Variants in CPXM2 observed in about 807,000 individuals in gnomAD.
The protein encoded by CPXM2 is carboxypeptidase X, M14 family member 2.
CPXM2 carries 66 observed loss-of-function variants against 86.1 expected under a neutral mutation model. The observed-to-expected ratio is 0.77, with a 90% CI of 0.63 to 0.94. The LOEUF (loss-of-function observed/expected upper bound fraction) is 0.94, where lower values mean the gene tolerates loss of function less well. Among genes scored for constraint, CPXM2 ranks in the 40% least tolerant of loss-of-function variants. The pLI, the probability that CPXM2 is intolerant of heterozygous loss-of-function variation, is 0.00. For synonymous variants in CPXM2, 388 were observed against 400.2 expected (o/e 0.97, Z 0.36); for missense variants, 948 against 1,026.3 (o/e 0.92, Z 1.04).
chr10:123,919,578 G>A (rs776458405), intron 2 of CPXM2, among the ~76,000 whole-genome samples: 1 of 152,184 alleles, frequency 6.6e-6, no homozygotes, highest in Non-Finnish European at 1.5e-5. Context: ...AAAGAACCAA[G>A]TGGAAAGTTT....
At chr10:123,924,777 G>A (rs1020357366) in intron 2 of CPXM2, among the ~76,000 whole-genome samples, 2 of 152,030 alleles carry the variant, frequency 1.3e-5, no homozygotes, top group Non-Finnish European at 2.9e-5. Context: ...GAAGCTATTC[G>A]GGGGCCCAAC....
intron 4 of CPXM2, among the ~76,000 whole-genome samples, chr10:123,812,780 C>T (rs774265287): frequency 1.1e-4 from 16 of 152,120 alleles, no homozygotes; most frequent in Non-Finnish European, 1.8e-4. Context: ...GAATCTAATG[C>T]GTGATGATCT....
chr10:123,881,036 C>G (rs370419026), intron 1 of CPXM2, among the ~76,000 whole-genome samples: 3 of 151,540 alleles, frequency 2.0e-5, no homozygotes, highest in African/African-American at 7.3e-5. Flanking sequence ...GGTAAGGATG[C>G]TGCCCCCATT....
chr10:123,858,713 C>T (rs1360358746), intron 3 of CPXM2, among the ~76,000 whole-genome samples: 4 of 152,228 alleles, frequency 2.6e-5, no homozygotes, highest in African/African-American at 7.2e-5. Context: ...ATGCTTGGAG[C>T]TGATTCCCAC....
At position 123,821,530 on chromosome 10, in the gene CPXM2, T is replaced by C. The variant is rs139845423; in HGVS notation, c.653+20819A>G. Among the ~76,000 whole-genome samples the C allele has an allele frequency of 9.0e-3, 1,364 of 152,292 alleles. 11 individuals are homozygous for C. The highest frequency in any genetic ancestry group is 0.051 in the Middle Eastern group (15 of 294). The stretch of plus-strand genomic sequence containing the variant: ...TCTTCTGAGCATTCTGCCAACCACG[T>C]AAGTGTGTTCCCACAGCACCGTGGA... On this transcript the variant is annotated intron_variant, in intron 4 of 13. Coordinates refer to ENST00000241305, the MANE Select transcript of CPXM2 (RefSeq NM_198148.3).
chr10:123,783,608 G>A (rs1316540239), intron 6 of CPXM2, among the ~76,000 whole-genome samples: 1 of 152,198 alleles, frequency 6.6e-6, no homozygotes, highest in African/African-American at 2.4e-5. Flanking sequence ...GCAAGTTAGT[G>A]ACAGAGGGAG....
chr10:123,842,212 G>C, intron 4 of CPXM2, 137 bp downstream of exon 4: 1 of 1,177,254 alleles, frequency 8.5e-7, no homozygotes, highest in Non-Finnish European at 1.2e-6. Context: ...CCAGCCTCCT[G>C]TTCATATTCC....
At chr10:123,759,335 G>A (rs1225939599) in intron 11 of CPXM2, among the ~76,000 whole-genome samples, 6 of 152,146 alleles carry the variant, frequency 3.9e-5, no homozygotes, top group Non-Finnish European at 7.3e-5. Context: ...CACCCTTTTC[G>A]TCCTCATTAG....
intron 2 of CPXM2, among the ~76,000 whole-genome samples, chr10:123,902,033 G>A (rs933551267): frequency 5.3e-5 from 8 of 152,154 alleles, no homozygotes; most frequent in Non-Finnish European, 8.8e-5. Context: ...AACCACTGTC[G>A]CAACCTGGAT....
chr10:123,834,898 C>G (rs871891), intron 4 of CPXM2, among the ~76,000 whole-genome samples: 12,459 of 152,146 alleles, frequency 0.082, 569 homozygotes, highest in Middle Eastern at 0.18. Flanking sequence ...GGCACCTTTC[C>G]CCTCTCTCTT....
At chr10:123,827,922 G>A (rs1848081553) in intron 4 of CPXM2, among the ~76,000 whole-genome samples, 1 of 152,126 alleles carries the variant, frequency 6.6e-6, no homozygotes, top group South Asian at 2.1e-4. Flanking sequence ...CCAACACTTG[G>A]AGAGGCCAAG....
intron 6 of CPXM2, among the ~76,000 whole-genome samples, chr10:123,791,788 T>A (rs1044796416): frequency 6.6e-6 from 1 of 152,190 alleles, no homozygotes; most frequent in Non-Finnish European, 1.5e-5. Flanking sequence ...TAAGATCACA[T>A]TGGAGGTTCT....
Position 123,797,998 on chromosome 10 carries a change from C to CTA in CPXM2, c.866_867insTA (p.Glu289AspfsTer21). The CTA allele has an allele frequency of 5.6e-6, 9 of 1,609,062 alleles. No homozygotes were observed. Among genetic ancestry groups the CTA allele is most frequent in the South Asian group, 1.1e-5 (1 of 90,044 alleles). On this transcript the variant is annotated frameshift_variant, in exon 6 of 14. Coordinates refer to ENST00000241305, the MANE Select transcript of CPXM2 (RefSeq NM_198148.3). LOFTEE classifies it high-confidence loss of function. ...CACCTGGCAGTGGGCAGCCCAGGAT[C>CTA]TCCATTCTCATGCAGATGCTCCCAT...
chr10:123,768,420 T>TAAATAAAG (rs1554874932), intron 9 of CPXM2, 106 bp downstream of exon 9: 1 of 497,766 alleles, frequency 2.0e-6, no homozygotes, highest in East Asian at 3.6e-5. Flanking sequence ...AATAAATAAA[T>TAAATAAAG]AAAGCTCGGA....
intron 6 of CPXM2, among the ~76,000 whole-genome samples, chr10:123,792,483 C>A (rs1014386738): frequency 6.6e-6 from 1 of 152,162 alleles, no homozygotes; most frequent in South Asian, 2.1e-4. Flanking sequence ...TCAGAAAAAA[C>A]CCAGACATTC....
Position 123,767,166 on chromosome 10 carries a change from A to G in CPXM2, c.1300-14T>C, listed in dbSNP as rs1846499280. 1.2e-6 allele frequency: 2 copies of G among 1,611,744 alleles called. No individual in the cohort carries two copies. Among genetic ancestry groups the G allele is most frequent in the African/African-American group, 2.7e-5 (2 of 74,860 alleles). On this transcript the variant is annotated splice_polypyrimidine_tract_variant and intron_variant, in intron 9 of 13. Transcript: ENST00000241305. ...CAGCTCCGAGCCCTGGAGACAAGTGAGAGTGTGAAGAATGCACAGGCTGCA... is the reference window on the plus strand; with the variant it reads ...CAGCTCCGAGCCCTGGAGACAAGTGGGAGTGTGAAGAATGCACAGGCTGCA...
At chr10:123,767,999 T>G (rs1846524276) in intron 9 of CPXM2, among the ~76,000 whole-genome samples, 1 of 152,232 alleles carries the variant, frequency 6.6e-6, no homozygotes, top group African/African-American at 2.4e-5. Flanking sequence ...TTGGTCGGCA[T>G]GTCCACCTCT....
At chr10:123,843,079 T>C (rs902949622) in intron 3 of CPXM2, among the ~76,000 whole-genome samples, 3 of 152,180 alleles carry the variant, frequency 2.0e-5, no homozygotes, top group Non-Finnish European at 4.4e-5. Context: ...GTTTAAGTCA[T>C]TTGATGTGTT....
intron 2 of CPXM2, among the ~76,000 whole-genome samples, chr10:123,903,946 G>C (rs558639557): frequency 6.6e-6 from 1 of 152,244 alleles, no homozygotes; most frequent in Admixed American, 6.5e-5. Context: ...AGCCCCTCCT[G>C]CCAGCCCCCA....
Sources: gnomAD v4.1 joint callset for allele counts (sites outside exome capture counted in the v4.1 genomes callset) on GRCh38, gnomAD v4.1.1 for gene constraint, MANE v1.5 for transcripts, NCBI Gene and HGNC (gene_info 2026-07-23, HGNC 2026-07-21) for gene names.